The following MDGA2 variants were observed in gnomAD, a reference collection of about 807,000 sequenced individuals.
MDGA2 encodes the protein MAM domain-containing glycosylphosphatidylinositol anchor protein 2.
In MDGA2, 40 loss-of-function variants were observed where a neutral mutation model predicts 117.8. The observed-to-expected ratio is 0.34, with a 90% CI of 0.26 to 0.44. The LOEUF (loss-of-function observed/expected upper bound fraction) is 0.44. MDGA2 is among the 20% of genes least tolerant of loss of function. MDGA2 has a pLI of 1.00. For missense variants in MDGA2, 1,123 were observed against 1,250.6 expected (o/e 0.90, Z 1.54); for synonymous variants, 452 against 439.0 (o/e 1.03, Z -0.37).
chr14:47,268,586 C>T (rs1888042087), intron 2 of MDGA2, among the ~76,000 whole-genome samples: 1 of 152,082 alleles, frequency 6.6e-6, no homozygotes, highest in Non-Finnish European at 1.5e-5. Context: ...GTGCCAAATG[C>T]CTCTAAACTC....
Position 47,358,192 on chromosome 14 carries a change from G to C in MDGA2, c.281-56642C>G, listed in dbSNP as rs996865381. Among the ~76,000 whole-genome samples the C allele has an allele frequency of 8.5e-5, 13 of 152,276 alleles. No homozygotes were observed. In the South Asian group the frequency reaches 2.5e-3, roughly 29 times the overall value. The stretch of plus-strand genomic sequence containing the variant: ...GTCTATTCACCATTTTCTACGCATA[G>C]ATGTGGAAGCATGATCAGCAACTGC... On this transcript the variant is annotated intron_variant, in intron 1 of 16. Transcript: ENST00000399232.
intron 8 of MDGA2, among the ~76,000 whole-genome samples, chr14:46,992,785 T>A (rs550166657): frequency 6.6e-6 from 1 of 152,126 alleles, no homozygotes; most frequent in Non-Finnish European, 1.5e-5. Flanking sequence ...GAAATTAAAT[T>A]TTGAGCTCAG....
At chr14:47,503,264 T>C (rs916601307) in intron 1 of MDGA2, among the ~76,000 whole-genome samples, 52 of 151,238 alleles carry the variant, frequency 3.4e-4, no homozygotes, top group African/African-American at 1.2e-3. Context: ...AAATTAGTTA[T>C]AGGAAAAGCC....
intron 5 of MDGA2, among the ~76,000 whole-genome samples, chr14:47,130,563 T>A (rs542002596): frequency 3.9e-5 from 6 of 152,348 alleles, no homozygotes; most frequent in Admixed American, 2.6e-4. Context: ...GTTGACTTTT[T>A]AAAATATATT....
intron 3 of MDGA2, among the ~76,000 whole-genome samples, chr14:47,203,325 G>A (rs749246735): frequency 6.6e-6 from 1 of 151,932 alleles, no homozygotes; most frequent in Admixed American, 6.6e-5. Context: ...GTCATGACAT[G>A]GGAGTTGATG....
chr14:47,143,988 T>C (rs1279050334), intron 4 of MDGA2, 90 bp downstream of exon 4: 14 of 993,718 alleles, frequency 1.4e-5, no homozygotes, highest in Non-Finnish European at 2.0e-5. Flanking sequence ...ATAGAGAAAC[T>C]ATCTTTTCAA....
chr14:47,479,366 C>T (rs1432157747), intron 1 of MDGA2, among the ~76,000 whole-genome samples: 1 of 148,834 alleles, frequency 6.7e-6, no homozygotes, highest in Non-Finnish European at 1.5e-5. Flanking sequence ...GGCATCTAAC[C>T]TTACTAAATC....
intron 6 of MDGA2, among the ~76,000 whole-genome samples, chr14:47,069,734 G>A (rs1890211716): frequency 6.6e-6 from 1 of 152,174 alleles, no homozygotes; most frequent in African/African-American, 2.4e-5. Context: ...TTCTTGAGAT[G>A]TAGAATATTG....
At chr14:47,359,320 C>T (rs1891061689) in intron 1 of MDGA2, among the ~76,000 whole-genome samples, 1 of 152,088 alleles carries the variant, frequency 6.6e-6, no homozygotes, top group Non-Finnish European at 1.5e-5. Context: ...CACCACTGCA[C>T]TCCAACCTGG....
chr14:47,251,519 C>G (rs1887446005), intron 2 of MDGA2, among the ~76,000 whole-genome samples: 1 of 152,078 alleles, frequency 6.6e-6, no homozygotes, highest in South Asian at 2.1e-4. Flanking sequence ...TAACTCATTA[C>G]CCCCGAAGTA....
At chr14:47,023,567 A>C (rs1168588760) in intron 8 of MDGA2, among the ~76,000 whole-genome samples, 1 of 152,212 alleles carries the variant, frequency 6.6e-6, no homozygotes, top group African/African-American at 2.4e-5. Context: ...CTGGAATTCA[A>C]ACCAGGTCTT....
chr14:47,379,324 A>G (rs1158298234), intron 1 of MDGA2, among the ~76,000 whole-genome samples: 1 of 152,206 alleles, frequency 6.6e-6, no homozygotes, highest in African/African-American at 2.4e-5. Flanking sequence ...TGAGCAAAAC[A>G]ACCAGTTAAC....
At chr14:47,531,867 C>T (rs1168182845) in intron 1 of MDGA2, among the ~76,000 whole-genome samples, 1 of 152,124 alleles carries the variant, frequency 6.6e-6, no homozygotes, top group East Asian at 1.9e-4. Flanking sequence ...GAATTGTGTG[C>T]ATTTATATTT....
rs569038612 is a variant in MDGA2, at chr14:47,113,471, G to T, written c.926-16348C>A. Among the ~76,000 whole-genome samples, 15 of 152,138 alleles carry T rather than the reference G, an allele frequency of 9.9e-5. No individual in the cohort carries two copies. In the South Asian group the frequency reaches 2.9e-3, roughly 29 times the overall value. ...AGAGATACAATAAAAAAAGGAAACTGCAGGCCAATATCTCTGATGAACATC... is the reference window on the plus strand; with the variant it reads ...AGAGATACAATAAAAAAAGGAAACTTCAGGCCAATATCTCTGATGAACATC... On this transcript the variant is annotated intron_variant, in intron 5 of 16. Coordinates refer to ENST00000399232, the MANE Select transcript of MDGA2 (RefSeq NM_001113498.3).
chr14:47,108,754 G>A (rs150794143), intron 5 of MDGA2, among the ~76,000 whole-genome samples: 3 of 152,188 alleles, frequency 2.0e-5, no homozygotes, highest in Admixed American at 6.5e-5. Flanking sequence ...CTCTTCACAC[G>A]GATGCGCAAG....
intron 3 of MDGA2, among the ~76,000 whole-genome samples, chr14:47,148,486 T>C (rs951423576): frequency 6.6e-6 from 1 of 152,188 alleles, no homozygotes; most frequent in African/African-American, 2.4e-5. Context: ...GGCCATTCTA[T>C]CGCTCTATTA....
At chr14:47,199,750 T>G (rs1306828445) in intron 3 of MDGA2, among the ~76,000 whole-genome samples, 1 of 152,174 alleles carries the variant, frequency 6.6e-6, no homozygotes, top group Non-Finnish European at 1.5e-5. Context: ...TCCTCCACTA[T>G]TTTTTCAGCT....
At position 47,527,091 on chromosome 14, in the gene MDGA2, C is replaced by T. The variant is rs532807975; in HGVS notation, c.280+147426G>A. ...AAAGGTGATTAAGACATGGTTCCTG[C>T]CCTTCACTTAATTCACACAGAGGGT... On this transcript the variant is annotated intron_variant, in intron 1 of 16. Coordinates refer to ENST00000399232, the MANE Select transcript of MDGA2 (RefSeq NM_001113498.3). Among the ~76,000 whole-genome samples the T allele has an allele frequency of 3.1e-3, 472 of 152,258 alleles. 2 individuals are homozygous for T. Among genetic ancestry groups the T allele is most frequent in the Non-Finnish European group, 4.3e-3 (294 of 68,020 alleles).
At chr14:46,894,200 T>C (rs565154908) in intron 10 of MDGA2, among the ~76,000 whole-genome samples, 19 of 152,202 alleles carry the variant, frequency 1.2e-4, no homozygotes, top group African/African-American at 2.6e-4. Flanking sequence ...ATTTCCTCAG[T>C]TGAAGAAGTA....
Sources: gnomAD v4.1 joint callset for allele counts (sites outside exome capture counted in the v4.1 genomes callset) on GRCh38, gnomAD v4.1.1 for gene constraint, MANE v1.5 for transcripts, NCBI Gene and HGNC (gene_info 2026-07-23, HGNC 2026-07-21) for gene names.